Variants in OTOGL observed in about 807,000 individuals in gnomAD.
The protein encoded by OTOGL is otogelin like.
A neutral mutation model predicts 318.5 loss-of-function variants in OTOGL; 285 were observed. The observed-to-expected ratio is 0.89, with a 90% CI of 0.81 to 0.99. OTOGL has a LOEUF of 0.99. OTOGL is among the 50% of genes least tolerant of loss of function. The pLI is 0.00. For synonymous variants in OTOGL, 987 were observed against 936.5 expected, an observed-to-expected ratio of 1.05 and a Z score of -0.99; for missense variants, 2,899 against 2,845.6, an observed-to-expected ratio of 1.02 and a Z score of -0.43.
chr12:80,309,898 C>T (rs1291737277), intron 29 of OTOGL, among the ~76,000 whole-genome samples: 2 of 151,912 alleles, frequency 1.3e-5, no homozygotes, highest in African/African-American at 2.4e-5. Flanking sequence ...ATATTCAGGG[C>T]GTTGAAGCCA....
At position 80,378,766 on chromosome 12, in the gene OTOGL, G is replaced by T. The variant is rs1212929438; in HGVS notation, c.*718G>T. 6.6e-6 allele frequency: 1 copy of T among 151,950 alleles called. No homozygotes were observed. Among genetic ancestry groups the T allele is most frequent in the Non-Finnish European group, 1.5e-5 (1 of 67,878 alleles). 9.4% of individuals were successfully genotyped at this position (151,950 alleles called of 1,614,324 possible). A position where few individuals can be genotyped will look rare whatever the true frequency, so the allele number is the denominator to read the frequency against. On this transcript the variant is annotated 3_prime_UTR_variant, in exon 59 of 59. Coordinates refer to ENST00000547103, the MANE Select transcript of OTOGL (RefSeq NM_001378609.3). ...TATCACAGAATCTTTCATTCTTAAA[G>T]AGTTTGCATTGGATAGAATTAAGTA...
chr12:80,170,606 G>T (rs1437350313), intron 1 of OTOGL, among the ~76,000 whole-genome samples: 1 of 151,734 alleles, frequency 6.6e-6, no homozygotes, highest in Non-Finnish European at 1.5e-5. Context: ...TATAATTTTT[G>T]TATTTTTAGA....
rs150670624 is a variant in OTOGL, at chr12:80,210,297, G to C, written c.80-550G>C. 2.4e-3 allele frequency among the ~76,000 whole-genome samples: 360 copies of C among 152,160 alleles called. 1 individual carries two copies. The highest frequency in any genetic ancestry group is 8.5e-3 in the African/African-American group (351 of 41,530). ...CACCTAACAAAATGGGCAAAGAATT[G>C]ATTTATTTTCAGTTGTTGATTTTTA... On this transcript the variant is annotated intron_variant, in intron 2 of 58. Transcript: ENST00000547103.
chr12:80,174,620 G>C (rs1472097065), intron 1 of OTOGL, among the ~76,000 whole-genome samples: 1 of 152,146 alleles, frequency 6.6e-6, no homozygotes, highest in Non-Finnish European at 1.5e-5. Context: ...TTCTGTGTGA[G>C]AACATATTGG....
chr12:80,305,283 A>G (rs1886034237), intron 28 of OTOGL, among the ~76,000 whole-genome samples: 1 of 152,200 alleles, frequency 6.6e-6, no homozygotes, highest in Non-Finnish European at 1.5e-5. Context: ...TCTTGTTTGA[A>G]TTATACTTTT....
chr12:80,352,303 G>A lies in OTOGL; in HGVS notation c.5274G>A (p.Pro1758=), dbSNP rs375974605. The change falls in exon 45 of 59, where the codon CCG becomes CCA. Residue 1758 remains proline, a synonymous_variant. Coordinates refer to ENST00000547103, the MANE Select transcript of OTOGL (RefSeq NM_001378609.3). The part of the protein sequence containing the change: ...IFIPCHDKVS[P]EDFCEKMWIN... Reference sequence around the variant, plus strand: ...GCAAAATGTTTCTCTAGGTTTCACCGGAAGACTTTTGTGAAAAGATGTGGA... The same window carrying A: ...GCAAAATGTTTCTCTAGGTTTCACCAGAAGACTTTTGTGAAAAGATGTGGA... 108 of 1,606,790 alleles carry A rather than the reference G, an allele frequency of 6.7e-5. 1 individual carries two copies. Among genetic ancestry groups the A allele is most frequent in the South Asian group, 5.3e-4 (47 of 89,040 alleles).
intron 30 of OTOGL, among the ~76,000 whole-genome samples, chr12:80,313,238 A>G (rs1886753503): frequency 6.6e-6 from 1 of 152,158 alleles, no homozygotes; most frequent in South Asian, 2.1e-4. Flanking sequence ...GCAGATGTTG[A>G]AGTCATATAT....
At position 80,291,463 on chromosome 12, in the gene OTOGL, C is replaced by T. The variant is rs371549663; in HGVS notation, c.2929-5364C>T. ...TTAAAAGCCTCTTGAGGTTAGCCAG[C>T]TAAGGATTTATATGTGCCTGCAAAT... On this transcript the variant is annotated intron_variant, in intron 26 of 58. Transcript: ENST00000547103. Among the ~76,000 whole-genome samples, 50 of 152,262 alleles carry T rather than the reference C, an allele frequency of 3.3e-4. No homozygotes were observed. In the South Asian group the frequency reaches 9.9e-3, roughly 30 times the overall value.
chr12:80,368,186 C>G lies in OTOGL; in HGVS notation c.6511-19C>G. 6.6e-7 allele frequency: 1 copy of G among 1,508,436 alleles called. No homozygotes were observed. Among genetic ancestry groups the G allele is most frequent in the Non-Finnish European group, 9.1e-7 (1 of 1,097,120 alleles). 93.4% of individuals were successfully genotyped at this position (1,508,436 alleles called of 1,614,324 possible). ...AAAATATTGATATGGTGTCGCTAAT[C>G]TAATATCATTATATGCAGCACCAGG... On this transcript the variant is annotated intron_variant, in intron 54 of 58. Transcript: ENST00000547103.
In OTOGL at chr12:80,320,512, A is replaced by G. The variant is rs774440331; in HGVS notation, c.3893A>G (p.Glu1298Gly). Residue 1298 changes from glutamate (E) to glycine (G), a missense_variant, in exon 34 of 59, where the codon GAG becomes GGG. Glu to Gly is a moderately conservative substitution (Grantham distance 98). Coordinates refer to ENST00000547103, the MANE Select transcript of OTOGL (RefSeq NM_001378609.3). ...DNDTLSLELWEANSAFHRRAT... is the reference protein window; with the variant it reads ...DNDTLSLELWGANSAFHRRAT... ...GATACTCTTAGCTTGGAGCTGTGGG[A>G]GGCGAATTCAGCCTTTCATCGGAGA... 1.2e-6 allele frequency: 2 copies of G among 1,613,532 alleles called. No individual in the cohort carries two copies. The highest frequency in any genetic ancestry group is 2.7e-5 in the African/African-American group (2 of 74,900).
intron 24 of OTOGL, among the ~76,000 whole-genome samples, chr12:80,274,887 A>C (rs1230268797): frequency 1.3e-5 from 2 of 151,980 alleles, no homozygotes; most frequent in Non-Finnish European, 2.9e-5. Flanking sequence ...TGTTTACAGC[A>C]TGGTTTACTG....
chr12:80,219,688 C>A (rs1878102304), intron 5 of OTOGL, 126 bp from the exon 6 acceptor site: 2 of 688,114 alleles, frequency 2.9e-6, no homozygotes, highest in Non-Finnish European at 5.1e-6. Flanking sequence ...CTTAGCAAGG[C>A]AAGAGGCTGA....
At chr12:80,269,572 T>C (rs1883248832) in intron 22 of OTOGL, among the ~76,000 whole-genome samples, 1 of 152,300 alleles carries the variant, frequency 6.6e-6, no homozygotes, top group South Asian at 2.1e-4. Context: ...CTTTGCTATG[T>C]AGAATGCTGC....
chr12:80,274,173 G>A (rs1883621611), intron 24 of OTOGL, among the ~76,000 whole-genome samples: 2 of 152,036 alleles, frequency 1.3e-5, no homozygotes, highest in Admixed American at 6.6e-5. Flanking sequence ...GATTTAGTGA[G>A]GAAGGCATAT....
chr12:80,168,623 T>C (rs1237781800), intron 1 of OTOGL, among the ~76,000 whole-genome samples: 1 of 152,192 alleles, frequency 6.6e-6, no homozygotes, highest in Non-Finnish European at 1.5e-5. Context: ...ATGAGTTACT[T>C]TGTGAAGTAA....
chr12:80,292,301 G>C (rs966387707), intron 26 of OTOGL, among the ~76,000 whole-genome samples: 12 of 152,130 alleles, frequency 7.9e-5, no homozygotes, highest in Non-Finnish European at 1.5e-4. Flanking sequence ...ATGTTTTCTT[G>C]ACTTTAGAAA....
At chr12:80,269,745 A>T (rs946517627) in intron 22 of OTOGL, among the ~76,000 whole-genome samples, 1 of 152,090 alleles carries the variant, frequency 6.6e-6, no homozygotes, top group Non-Finnish European at 1.5e-5. Flanking sequence ...TCTTTGTTTT[A>T]CTTCTATCTC....
In OTOGL at chr12:80,251,718, C is replaced by T. The variant is rs368844341; in HGVS notation, c.1078C>T (p.Arg360Ter). 7.7e-5 allele frequency: 123 copies of T among 1,591,532 alleles called. No homozygotes were observed. The highest frequency in any genetic ancestry group is 9.9e-5 in the Non-Finnish European group (116 of 1,168,138). Reference sequence around the variant, plus strand: ...AACTGATGATGATGAAACCTATTGCCGAGCAGCCACTGAGTATGCTAGAGC... The same window carrying T: ...AACTGATGATGATGAAACCTATTGCTGAGCAGCCACTGAGTATGCTAGAGC... ...CKTDDDETYC[R>*]AATEYARACS... is the part of the protein sequence containing the mutation. Residue 360 changes from arginine (R) to a stop codon, truncating the protein, a stop_gained, in exon 12 of 59, where the codon CGA (arginine) becomes TGA (stop). Coordinates refer to ENST00000547103, the MANE Select transcript of OTOGL (RefSeq NM_001378609.3). LOFTEE classifies it high-confidence loss of function.
intron 44 of OTOGL, among the ~76,000 whole-genome samples, chr12:80,349,303 T>A (rs989266454): frequency 1.3e-5 from 2 of 152,200 alleles, no homozygotes; most frequent in Admixed American, 6.6e-5. Flanking sequence ...ATATATTAGC[T>A]CATTTAATTT....
Sources: allele counts gnomAD v4.1 joint callset (sites outside exome capture counted in the v4.1 genomes callset), GRCh38; gene constraint gnomAD v4.1.1; transcripts MANE v1.5; gene names NCBI Gene and HGNC (gene_info 2026-07-23, HGNC 2026-07-21).